LGR4: variants seen among roughly 807,000 people sequenced by gnomAD.
LGR4 encodes leucine-rich repeat-containing G protein-coupled receptor 4.
LGR4 carries 44 observed loss-of-function variants against 84.8 expected under a neutral mutation model. The observed-to-expected ratio is 0.52, with a 90% CI of 0.41 to 0.67. The LOEUF is 0.67. Ranked by LOEUF, LGR4 falls within the 30% of genes least tolerant of loss-of-function variation. LGR4 has a pLI of 0.00. For missense variants in LGR4, 1,032 were observed against 1,131.4 expected (o/e 0.91, Z 1.26); for synonymous variants, 429 against 434.3 (o/e 0.99, Z 0.15).
At chr11:27,384,251 A>T (rs1863147975) in intron 6 of LGR4, 85 bp downstream of exon 6, 2 of 842,346 alleles carry the variant, frequency 2.4e-6, no homozygotes, top group Non-Finnish European at 3.9e-6. Context: ...ACTTAAGGCC[A>T]ATATTTTTTT....
chr11:27,462,853 TC>T (rs1163890649), intron 1 of LGR4, among the ~76,000 whole-genome samples: 1 of 151,876 alleles, frequency 6.6e-6, no homozygotes. Context: ...TGTCTTCATT[TC>T]CTGTGCCAGA....
At chr11:27,403,195 G>A (rs1177269975) in intron 2 of LGR4, among the ~76,000 whole-genome samples, 1 of 152,210 alleles carries the variant, frequency 6.6e-6, no homozygotes, top group Non-Finnish European at 1.5e-5. Context: ...CCACAGCTGG[G>A]TGCGATGGCT....
At position 27,469,040 on chromosome 11, in the gene LGR4, G is replaced by A. The variant is rs56788407; in HGVS notation, c.185+3078C>T. Among the ~76,000 whole-genome samples the A allele has an allele frequency of 7.5e-3, 1,134 of 152,206 alleles. 15 individuals carry two copies. Among genetic ancestry groups the A allele is most frequent in the African/African-American group, 0.025 (1,056 of 41,492 alleles). On this transcript the variant is annotated intron_variant, in intron 1 of 17. Transcript: ENST00000379214. The stretch of plus-strand genomic sequence containing the variant: ...CCTTGAATCCTTCTGATTAAACTTC[G>A]GAATTTTAATATTAGTAAGATTACT...
chr11:27,373,515 A>G (rs1280549979), intron 15 of LGR4, 36 bp downstream of exon 15: 8 of 1,504,714 alleles, frequency 5.3e-6, no homozygotes, highest in African/African-American at 2.8e-5. Context: ...AGCCTACCAT[A>G]ACTTCAACAA....
At chr11:27,452,606 A>C (rs1006073853) in intron 1 of LGR4, among the ~76,000 whole-genome samples, 1 of 150,060 alleles carries the variant, frequency 6.7e-6, no homozygotes, top group Admixed American at 6.7e-5. Flanking sequence ...GGAATCATAC[A>C]GTATACAACT....
chr11:27,388,578 A>G (rs1485285066), intron 4 of LGR4, among the ~76,000 whole-genome samples: 1 of 152,080 alleles, frequency 6.6e-6, no homozygotes, highest in Non-Finnish European at 1.5e-5. Context: ...ACATGCTTCT[A>G]TTTTCTATTC....
At chr11:27,402,243 G>A (rs999484892) in intron 2 of LGR4, among the ~76,000 whole-genome samples, 3 of 152,250 alleles carry the variant, frequency 2.0e-5, no homozygotes, top group East Asian at 1.9e-4. Context: ...TCTGGTTAAT[G>A]AAGTGAGAGG....
intron 1 of LGR4, among the ~76,000 whole-genome samples, chr11:27,433,672 G>A (rs889689572): frequency 1.3e-4 from 20 of 152,198 alleles, no homozygotes; most frequent in African/African-American, 4.3e-4. Flanking sequence ...AAACAGAAAG[G>A]CAAAACAAAT....
intron 1 of LGR4, among the ~76,000 whole-genome samples, chr11:27,416,127 G>C (rs890443593): frequency 2.0e-5 from 3 of 152,124 alleles, no homozygotes; most frequent in South Asian, 4.2e-4. Flanking sequence ...GTAATAAATC[G>C]CAGGATTTCA....
At position 27,366,425 on chromosome 11, in the gene LGR4, C is replaced by A. The variant is rs1430070858; in HGVS notation, c.*1442G>T. The A allele has an allele frequency of 6.6e-6, 1 of 152,478 alleles. No homozygotes were observed. Among genetic ancestry groups the A allele is most frequent in the African/African-American group, 2.4e-5 (1 of 41,420 alleles). The allele number at this position is 152,478 out of a possible 1,614,324, so 9.4% of individuals were successfully genotyped here. On this transcript the variant is annotated 3_prime_UTR_variant, in exon 18 of 18. Coordinates refer to ENST00000379214, the MANE Select transcript of LGR4 (RefSeq NM_018490.5). ...TTTAATTAAACGAAATGAACAGAAG[C>A]CACATTTCCCAACTTGTGTTCTAAA...
At chr11:27,372,427 T>C (rs1157984197) in intron 15 of LGR4, 29 bp from the exon 16 acceptor site, 2 of 1,235,228 alleles carry the variant, frequency 1.6e-6, no homozygotes, top group South Asian at 1.2e-5. Flanking sequence ...AAATCTACAC[T>C]GAACAGCAAC....
At chr11:27,463,305 C>A (rs931808078) in intron 1 of LGR4, among the ~76,000 whole-genome samples, 11 of 151,732 alleles carry the variant, frequency 7.2e-5, no homozygotes, top group Non-Finnish European at 1.5e-4. Context: ...GATGACATGA[C>A]CATGGACTCA....
chr11:27,471,844 G>A (rs1317273029), intron 1 of LGR4: 1 of 290,532 alleles, frequency 3.4e-6, no homozygotes, highest in Non-Finnish European at 6.3e-6. Flanking sequence ...TGAGTTGGGG[G>A]TGTGCGCGGT....
chr11:27,369,019 T>C lies in LGR4; in HGVS notation c.1704A>G (p.Thr568=). The part of the protein sequence containing the change: ...LVILTTFASC[T]SLPSSKLFIG... ...TAAACAATTTGGACGAAGGCAGTGATGTACAAGATGCAAATGTTGTTAAAA... is the reference window on the plus strand; with the variant it reads ...TAAACAATTTGGACGAAGGCAGTGACGTACAAGATGCAAATGTTGTTAAAA... Residue 568 remains threonine, a synonymous_variant, in exon 18 of 18, where the codon ACA becomes ACG. Transcript: ENST00000379214. 6.2e-7 allele frequency: 1 copy of C among 1,614,062 alleles called. No homozygotes were observed. Among genetic ancestry groups the C allele is most frequent in the Non-Finnish European group, 8.5e-7 (1 of 1,179,988 alleles).
At chr11:27,442,072 C>G (rs924700100) in intron 1 of LGR4, among the ~76,000 whole-genome samples, 3 of 152,144 alleles carry the variant, frequency 2.0e-5, no homozygotes, top group Non-Finnish European at 4.4e-5. Context: ...GGAAGATGAG[C>G]AGCCTCTAAC....
intron 6 of LGR4, among the ~76,000 whole-genome samples, chr11:27,382,842 A>T (rs1354721783): frequency 6.6e-6 from 1 of 151,842 alleles, no homozygotes; most frequent in African/African-American, 2.4e-5. Context: ...CATAGTGAAA[A>T]CCCATCTCTA....
chr11:27,457,823 C>T (rs377506885), intron 1 of LGR4, among the ~76,000 whole-genome samples: 1 of 152,116 alleles, frequency 6.6e-6, no homozygotes, highest in Admixed American at 6.6e-5. Context: ...ATGGAACACT[C>T]CTTAGCAATG....
At chr11:27,381,334 A>G (rs1729693768) in intron 7 of LGR4, among the ~76,000 whole-genome samples, 1 of 152,318 alleles carries the variant, frequency 6.6e-6, no homozygotes, top group East Asian at 1.9e-4. Context: ...CAACTAGCTC[A>G]TGACACACAG....
rs546276859 is a variant in LGR4 at position 27,366,899 on chromosome 11, C to T, written c.*968G>A. On this transcript the variant is annotated 3_prime_UTR_variant, in exon 18 of 18. Transcript: ENST00000379214. ...TAAGTACTTCGTGTCATAATTACTC[C>T]CCGTTTCGTCTAATTAAATGCAAGT... 1 of 152,190 alleles carries T rather than the reference C, an allele frequency of 6.6e-6. No homozygotes were observed. The highest frequency in any genetic ancestry group is 1.9e-4 in the East Asian group (1 of 5,190). The allele number at this position is 152,190 out of a possible 1,614,324, so 9.4% of individuals were successfully genotyped here.
Sources: allele counts gnomAD v4.1 joint callset (sites outside exome capture counted in the v4.1 genomes callset), GRCh38; gene constraint gnomAD v4.1.1; transcripts MANE v1.5; gene names NCBI Gene and HGNC (gene_info 2026-07-23, HGNC 2026-07-21).